AURKA: variants seen among roughly 807,000 people sequenced by gnomAD.
The protein encoded by AURKA is aurora kinase A.
AURKA carries 12 observed loss-of-function variants against 40.9 expected under a neutral mutation model. The ratio of observed to expected loss-of-function variants is 0.29; its 90% CI spans 0.19 to 0.48. The LOEUF (loss-of-function observed/expected upper bound fraction) is 0.48. Ranked by LOEUF, AURKA falls within the 20% of genes least tolerant of loss-of-function variation. The pLI is 0.99. For synonymous variants in AURKA, 170 were observed against 164.3 expected (o/e 1.03, Z -0.26); for missense variants, 322 against 462.1 (o/e 0.70, Z 2.78).
intron 8 of AURKA, 64 bp downstream of exon 8, chr20:56,370,421 C>A: frequency 1.2e-6 from 2 of 1,613,450 alleles, no homozygotes; most frequent in Non-Finnish European, 1.7e-6. Context: ...TCTTGGCCTG[C>A]AGTTCAGGCT....
intron 1 of AURKA, among the ~76,000 whole-genome samples, chr20:56,389,114 G>A (rs1986735085): frequency 6.6e-6 from 1 of 152,060 alleles, no homozygotes. Context: ...TCACTTCCAG[G>A]TTTATCTACC....
At chr20:56,370,460 T>G in intron 8 of AURKA, 25 bp downstream of exon 8, 1 of 1,614,234 alleles carries the variant, frequency 6.2e-7, no homozygotes. Context: ...GCAGATGTGC[T>G]GGGTCCTTTT....
intron 1 of AURKA, among the ~76,000 whole-genome samples, chr20:56,389,314 C>T (rs979634383): frequency 2.0e-5 from 3 of 152,140 alleles, no homozygotes; most frequent in Non-Finnish European, 4.4e-5. Flanking sequence ...CGTCTTCTGC[C>T]CTAGTCTCTC....
At position 56,386,581 on chromosome 20, in the gene AURKA, G is replaced by C. The variant is rs143278697; in HGVS notation, c.43-48C>G. 1,164 of 1,604,344 alleles carry C rather than the reference G, an allele frequency of 7.3e-4. 9 individuals are homozygous for C. The African/African-American group carries it at 0.014, about 19-fold the overall frequency. Reference sequence around the variant, plus strand: ...CTTTCTGGCATTCATGAAAGCAAAAGATGAATATATTGAGAATTTCACAAA... The same window carrying C: ...CTTTCTGGCATTCATGAAAGCAAAACATGAATATATTGAGAATTTCACAAA... On this transcript the variant is annotated intron_variant, in intron 2 of 8. Coordinates refer to ENST00000395915, the MANE Select transcript of AURKA (RefSeq NM_198437.3).
At chr20:56,391,691 G>A (rs1169348973) in intron 1 of AURKA, among the ~76,000 whole-genome samples, 1 of 152,034 alleles carries the variant, frequency 6.6e-6, no homozygotes, top group Admixed American at 6.6e-5. Context: ...CAGGACAAGG[G>A]CCTTCTTAGG....
chr20:56,380,513 G>A (rs1985577956), intron 6 of AURKA, among the ~76,000 whole-genome samples: 1 of 152,092 alleles, frequency 6.6e-6, no homozygotes, highest in African/African-American at 2.4e-5. Context: ...ATAAATAAGG[G>A]AGAACAGCCT....
chr20:56,381,942 G>T (rs1025778897), intron 5 of AURKA, among the ~76,000 whole-genome samples: 2 of 152,108 alleles, frequency 1.3e-5, no homozygotes, highest in African/African-American at 4.8e-5. Context: ...GAGGCGGGAG[G>T]ATCGCGAGGT....
intron 6 of AURKA, among the ~76,000 whole-genome samples, chr20:56,381,076 T>C (rs901804030): frequency 1.3e-4 from 20 of 152,238 alleles, no homozygotes; most frequent in African/African-American, 4.6e-4. Context: ...GAGTCCAGCC[T>C]GGGCAACATA....
intron 1 of AURKA, among the ~76,000 whole-genome samples, chr20:56,389,765 T>C (rs78419019): frequency 0.043 from 6,550 of 152,316 alleles, 194 homozygotes; most frequent in African/African-American, 0.076. Flanking sequence ...AAACCCATCC[T>C]GTCAGTTGCT....
chr20:56,382,872 A>C, intron 5 of AURKA, 113 bp downstream of exon 5: 4 of 1,132,616 alleles, frequency 3.5e-6, no homozygotes, highest in Non-Finnish European at 5.3e-6. Context: ...ATTTGAAGGC[A>C]GTGCCTCGTA....
At chr20:56,378,781 C>A (rs1328430715) in intron 6 of AURKA, among the ~76,000 whole-genome samples, 1 of 152,060 alleles carries the variant, frequency 6.6e-6, no homozygotes, top group African/African-American at 2.4e-5. Context: ...AAGAAGCCCA[C>A]CTAAAAAAGC....
intron 6 of AURKA, 124 bp downstream of exon 6, chr20:56,381,309 A>G: frequency 1.6e-6 from 2 of 1,226,312 alleles, no homozygotes; most frequent in Non-Finnish European, 2.4e-6. Flanking sequence ...TCCACTTCAA[A>G]TATTTGATAT....
chr20:56,378,547 A>C (rs887802035), intron 6 of AURKA, among the ~76,000 whole-genome samples: 5 of 152,210 alleles, frequency 3.3e-5, no homozygotes, highest in African/African-American at 9.7e-5. Flanking sequence ...TGCCCAACTA[A>C]TTTGAAGACT....
At position 56,391,784 on chromosome 20, in the gene AURKA, C is replaced by T. The variant is rs73156327; in HGVS notation, c.-6+384G>A. Among the ~76,000 whole-genome samples the T allele has an allele frequency of 5.5e-3, 830 of 152,212 alleles. 4 individuals are homozygous for T. Among genetic ancestry groups the T allele is most frequent in the Non-Finnish European group, 8.6e-3 (587 of 67,998 alleles). On this transcript the variant is annotated intron_variant, in intron 1 of 8. Transcript: ENST00000395915. ...CCACCCCAGCTGCAAGTTCTCCGTA[C>T]GCTTACCGTCTGTCTCCCCACCCAC...
rs373897140 is a variant in AURKA at position 56,385,618 on chromosome 20, C to T, written c.319+639G>A. On this transcript the variant is annotated intron_variant, in intron 3 of 8. Coordinates refer to ENST00000395915, the MANE Select transcript of AURKA (RefSeq NM_198437.3). ...CTGGGATTACAGGCGTGCACCACCA[C>T]GCCTGGCTAATTTTGTATTTTTAGT... Among the ~76,000 whole-genome samples the T allele has an allele frequency of 3.5e-4, 53 of 152,200 alleles. 3 individuals are homozygous for T. In the East Asian group the frequency reaches 9.9e-3, roughly 28 times the overall value.
intron 5 of AURKA, 97 bp downstream of exon 5, chr20:56,382,888 G>A (rs1400857893): frequency 3.0e-6 from 4 of 1,319,138 alleles, no homozygotes; most frequent in Non-Finnish European, 4.4e-6. Flanking sequence ...TCGTAAGAGG[G>A]AGTGAAGGGA....
chr20:56,380,360 G>GAAAAAAAA (rs58953054), intron 6 of AURKA, among the ~76,000 whole-genome samples: 2 of 119,986 alleles, frequency 1.7e-5, no homozygotes, highest in East Asian at 3.0e-4. Flanking sequence ...GTCTCAAAAA[G>GAAAAAAAA]AAAAAAAAAA....
rs2146195971 is a variant in AURKA at position 56,384,279 on chromosome 20, T to A, written c.365A>T (p.Glu122Val). 2 of 1,597,948 alleles carry A rather than the reference T, an allele frequency of 1.3e-6. No individual in the cohort carries two copies. Among genetic ancestry groups the A allele is most frequent in the East Asian group, 4.5e-5 (2 of 44,670 alleles). Residue 122 changes from glutamate (E) to valine (V), a missense_variant, in exon 4 of 9, where the codon GAA becomes GTA. Physicochemically the swap from Glu to Val is moderately radical, Grantham distance 121. Transcript: ENST00000395915. The stretch of plus-strand genomic sequence containing the variant: ...AAATAAGAAAGCTTACTTTTTTGAT[T>A]CTTCATTTTTCTGTTTTGATGCCAG... ...EELASKQKNE[E>V]SKKRQWALED...
At chr20:56,375,304 TTTC>T (rs1984789104) in intron 6 of AURKA, among the ~76,000 whole-genome samples, 1 of 149,812 alleles carries the variant, frequency 6.7e-6, no homozygotes, top group Non-Finnish European at 1.5e-5. Flanking sequence ...ATTTTTAATC[TTTC>T]TTTTTTTTTT....
Sources: allele counts gnomAD v4.1 joint callset (sites outside exome capture counted in the v4.1 genomes callset), GRCh38; gene constraint gnomAD v4.1.1; transcripts MANE v1.5; gene names NCBI Gene and HGNC (gene_info 2026-07-23, HGNC 2026-07-21).